REV1: variants seen among roughly 807,000 people sequenced by gnomAD.
The protein encoded by REV1 is REV1 DNA directed polymerase.
A neutral mutation model predicts 137.4 loss-of-function variants in REV1; 42 were observed. The observed-to-expected ratio is 0.31, with a 90% CI of 0.24 to 0.40. The LOEUF is 0.40. Ranked by LOEUF, REV1 falls within the 10% of genes least tolerant of loss-of-function variation. The pLI is 1.00. For missense variants in REV1, 1,282 were observed against 1,490.1 expected (o/e 0.86, Z 2.30); for synonymous variants, 524 against 519.2 (o/e 1.01, Z -0.12).
Position 99,406,083 on chromosome 2 carries a change from C to A in REV1, c.2638G>T (p.Glu880Ter). The A allele has an allele frequency of 6.2e-7, 1 of 1,613,134 alleles. No individual in the cohort carries two copies. Among genetic ancestry groups the A allele is most frequent in the Non-Finnish European group, 8.5e-7 (1 of 1,179,700 alleles). ...KEVFRAAVDL[E>*]ISSASRTCTF... is the part of the protein sequence containing the mutation. ...CAAGTTCTAGAAGCAGATGATATTT[C>A]CAGATCCACAGCAGCCCGAAATACT... is the stretch of plus-strand genomic sequence containing the variant. The change falls in exon 17 of 23, where the codon GAA (glutamate) becomes TAA (stop). Residue 880 changes from glutamate to a stop codon, truncating the protein, a stop_gained. Transcript: ENST00000258428. LOFTEE classifies it high-confidence loss of function.
rs181602719 is a variant in REV1, at chr2:99,429,346, C to T, written c.1547+494G>A. ...CAAAAAGTTGGTGCTAACAAGTTGA[C>T]AACACTCTTAACACTTTTAAGTGAA... On this transcript the variant is annotated intron_variant, in intron 9 of 22. Transcript: ENST00000258428. Among the ~76,000 whole-genome samples, 130 of 152,190 alleles carry T rather than the reference C, an allele frequency of 8.5e-4. 1 individual carries two copies. The East Asian group carries it at 0.021, about 24-fold the overall frequency.
At chr2:99,479,392 C>T (rs1233054815) in intron 1 of REV1, among the ~76,000 whole-genome samples, 2 of 151,600 alleles carry the variant, frequency 1.3e-5, no homozygotes, top group South Asian at 2.1e-4. Context: ...CCCCCCACTT[C>T]CCCTTACCCC....
At chr2:99,408,230 T>A in intron 14 of REV1, 99 bp from the exon 15 acceptor site, 1 of 585,448 alleles carries the variant, frequency 1.7e-6, no homozygotes, top group Non-Finnish European at 2.8e-6. Context: ...AGAAAAGTTG[T>A]AAACAGTTAC....
chr2:99,477,382 T>C (rs2104188145), intron 1 of REV1, among the ~76,000 whole-genome samples: 1 of 152,264 alleles, frequency 6.6e-6, no homozygotes, highest in East Asian at 1.9e-4. Context: ...ATAAGGACAA[T>C]ACCCTATGGA....
At position 99,405,993 on chromosome 2, in the gene REV1, A is replaced by C; in HGVS notation, c.2728T>G (p.Ser910Ala). The C allele has an allele frequency of 6.2e-7, 1 of 1,614,108 alleles. No homozygotes were observed. The highest frequency in any genetic ancestry group is 8.5e-7 in the Non-Finnish European group (1 of 1,179,982). ...TSPDTNKAESSGKWNGLHTPV... is the reference protein window; with the variant it reads ...TSPDTNKAESAGKWNGLHTPV... Reference sequence around the variant, plus strand: ...GTATGTAGACCATTCCATTTCCCTGAAGACTCAGCCTTGTTAGTATCAGGA... The same window carrying C: ...GTATGTAGACCATTCCATTTCCCTGCAGACTCAGCCTTGTTAGTATCAGGA... Residue 910 changes from serine to alanine, a missense_variant, in exon 17 of 23, where the codon TCA becomes GCA. Physicochemically the swap from Ser to Ala is moderately conservative, Grantham distance 99 (BLOSUM62 1). Coordinates refer to ENST00000258428, the MANE Select transcript of REV1 (RefSeq NM_016316.4).
chr2:99,474,763 A>G (rs1685785388), intron 1 of REV1, among the ~76,000 whole-genome samples: 1 of 152,162 alleles, frequency 6.6e-6, no homozygotes, highest in South Asian at 2.1e-4. Flanking sequence ...TCAGCCGAGC[A>G]TGGTAGCAGG....
At chr2:99,484,121 C>T (rs1274020781) in intron 1 of REV1, among the ~76,000 whole-genome samples, 2 of 152,124 alleles carry the variant, frequency 1.3e-5, no homozygotes, top group South Asian at 2.1e-4. Flanking sequence ...AACTAACACA[C>T]GAACAGAACA....
At chr2:99,462,947 G>A (rs1307511534) in intron 2 of REV1, among the ~76,000 whole-genome samples, 1 of 151,874 alleles carries the variant, frequency 6.6e-6, no homozygotes, top group Non-Finnish European at 1.5e-5. Flanking sequence ...AATTAGCCGG[G>A]TGCAGTGCCA....
chr2:99,411,405 TCTTTC>T (rs71819516), intron 13 of REV1, among the ~76,000 whole-genome samples: 1,920 of 149,568 alleles, frequency 0.013, 37 homozygotes, highest in African/African-American at 0.045. Flanking sequence ...ATTTTTCCTT[TCTTTC>T]CTTTTTTTTT....
intron 3 of REV1, among the ~76,000 whole-genome samples, chr2:99,453,766 G>C (rs572808878): frequency 6.6e-6 from 1 of 151,518 alleles, no homozygotes; most frequent in Non-Finnish European, 1.5e-5. Context: ...GGTAACACGC[G>C]CCTGTAGTCC....
chr2:99,462,520 C>A lies in REV1; in HGVS notation c.157G>T (p.Ala53Ser). The change falls in exon 3 of 23, where the codon GCC (alanine) becomes TCC (serine). Residue 53 changes from alanine (A) to serine (S), a missense_variant. Physicochemically the swap from Ala to Ser is moderately conservative, Grantham distance 99 (BLOSUM62 1). Coordinates refer to ENST00000258428, the MANE Select transcript of REV1 (RefSeq NM_016316.4). ...GTSSTIFSGV[A>S]IYVNGYTDPS... ...CCTGTGTATCCATTAACATAGATGG[C>A]AACTCCACTAAAAATTGTAGATGAA... The A allele has an allele frequency of 6.2e-7, 1 of 1,613,102 alleles. No individual in the cohort carries two copies. The highest frequency in any genetic ancestry group is 1.1e-5 in the South Asian group (1 of 90,936).
intron 5 of REV1, among the ~76,000 whole-genome samples, chr2:99,441,390 AC>A (rs1323581507): frequency 6.6e-6 from 1 of 152,092 alleles, no homozygotes; most frequent in Non-Finnish European, 1.5e-5. Flanking sequence ...ATAATGAACC[AC>A]CTGATATACA....
At chr2:99,447,152 ATTTAT>A (rs762267317) in intron 4 of REV1, among the ~76,000 whole-genome samples, 8 of 151,118 alleles carry the variant, frequency 5.3e-5, no homozygotes, top group Admixed American at 2.6e-4. Flanking sequence ...GTAAAATGTT[ATTTAT>A]TTGACTTTTT....
At chr2:99,421,678 G>A (rs754728085) in intron 10 of REV1, 25 bp from the exon 11 acceptor site, 16 of 1,594,702 alleles carry the variant, frequency 1.0e-5, no homozygotes, top group Non-Finnish European at 1.2e-5. Context: ...CAAAGGCAAC[G>A]AATCACAGCC....
rs186020800 is a variant in REV1 at position 99,457,082 on chromosome 2, T to G, written c.181+5414A>C. On this transcript the variant is annotated intron_variant, in intron 3 of 22. Transcript: ENST00000258428. ...TCACTCCCACTCCCAAAGGCAATTGTTTCCTCTTCTGTGTTGGCACTCACC... is the reference window on the plus strand; with the variant it reads ...TCACTCCCACTCCCAAAGGCAATTGGTTCCTCTTCTGTGTTGGCACTCACC... 2.3e-3 allele frequency among the ~76,000 whole-genome samples: 350 copies of G among 152,300 alleles called. 5 individuals carry two copies. The highest frequency in any genetic ancestry group is 8.2e-3 in the African/African-American group (341 of 41,554).
chr2:99,456,163 T>G (rs1254876522), intron 3 of REV1, among the ~76,000 whole-genome samples: 1 of 152,230 alleles, frequency 6.6e-6, no homozygotes, highest in Non-Finnish European at 1.5e-5. Flanking sequence ...TGAGTTGATT[T>G]AGCATCTGAG....
At chr2:99,436,997 T>G (rs1018419875) in intron 6 of REV1, among the ~76,000 whole-genome samples, 3 of 151,126 alleles carry the variant, frequency 2.0e-5, no homozygotes, top group Non-Finnish European at 4.4e-5. Context: ...TTTGTTTTTT[T>G]TTTTTTTTTG....
chr2:99,417,265 G>C (rs756974786), intron 12 of REV1, among the ~76,000 whole-genome samples: 12 of 152,188 alleles, frequency 7.9e-5, no homozygotes, highest in Non-Finnish European at 1.8e-4. Flanking sequence ...TCAGCCTCCT[G>C]AGTAGCTGGG....
intron 12 of REV1, among the ~76,000 whole-genome samples, chr2:99,416,334 T>C (rs1459388441): frequency 6.6e-6 from 1 of 152,242 alleles, no homozygotes; most frequent in Non-Finnish European, 1.5e-5. Context: ...CCACAGAAGG[T>C]TCCCTCTCCT....
Sources: gnomAD v4.1 joint callset for allele counts (sites outside exome capture counted in the v4.1 genomes callset) on GRCh38, gnomAD v4.1.1 for gene constraint, MANE v1.5 for transcripts, NCBI Gene and HGNC (gene_info 2026-07-23, HGNC 2026-07-21) for gene names.